The following ITIH4 variants were observed in gnomAD, a reference collection of about 807,000 sequenced individuals.
ITIH4 encodes the protein inter-alpha-trypsin inhibitor heavy chain 4, also known as inter-alpha-trypsin inhibitor heavy chain H4.
In ITIH4, 79 loss-of-function variants were observed where a neutral mutation model predicts 111.8. That is an observed-to-expected ratio of 0.71 (90% confidence interval 0.59 to 0.85). The LOEUF (loss-of-function observed/expected upper bound fraction) is 0.85, where lower values mean the gene tolerates loss of function less well. ITIH4 is among the 40% of genes least tolerant of loss of function. The pLI, the probability that ITIH4 is intolerant of heterozygous loss-of-function variation, is 0.00. For synonymous variants in ITIH4, 472 were observed against 468.3 expected, an observed-to-expected ratio of 1.01 and a Z score of -0.10; for missense variants, 1,065 against 1,195.8, an observed-to-expected ratio of 0.89 and a Z score of 1.61.
chr3:52,819,200 G>A (rs1318254558), intron 17 of ITIH4, 193 bp downstream of exon 17: 3 of 612,140 alleles, frequency 4.9e-6, no homozygotes, highest in Non-Finnish European at 5.7e-6. Flanking sequence ...GCCTCCTTAG[G>A]AAATGCACTC....
At position 52,816,978 on chromosome 3, in the gene ITIH4, A is replaced by G. The variant is rs748207755; in HGVS notation, c.2377T>C (p.Trp793Arg). ...IEVTFKNPLV[W>R]VHASPEHVVV... ...ACGTGTTCAGGGGATGCGTGAACCC[A>G]TACCAGGGGGTTCTTGAAGGTCACT... is the stretch of plus-strand genomic sequence containing the variant. Residue 793 changes from tryptophan (W) to arginine (R), a missense_variant, in exon 21 of 24, where the codon TGG becomes CGG. Coordinates refer to ENST00000266041, the MANE Select transcript of ITIH4 (RefSeq NM_002218.5). The G allele has an allele frequency of 6.2e-7, 1 of 1,613,958 alleles. No individual in the cohort carries two copies. The highest frequency in any genetic ancestry group is 1.1e-5 in the South Asian group (1 of 91,080).
At position 52,823,521 on chromosome 3, in the gene ITIH4, C is replaced by A; in HGVS notation, c.1539+35G>T. 1.3e-6 allele frequency: 2 copies of A among 1,535,244 alleles called. 1 individual carries two copies. Among genetic ancestry groups the A allele is most frequent in the South Asian group, 2.4e-5 (2 of 85,088 alleles). On this transcript the variant is annotated intron_variant, in intron 11 of 23. Transcript: ENST00000266041. ...CCTCTGGCTGCAGAGGTGGAGGCTG[C>A]CATTCCCCTCCAGGGTGGCTTTGGC...
At chr3:52,818,753 TC>T (rs1700323390) in intron 17 of ITIH4, 1 of 581,456 alleles carries the variant, frequency 1.7e-6, no homozygotes. Context: ...GATTTGGGGA[TC>T]AGAAAACAGT....
At chr3:52,829,673 T>G (rs756687006) in intron 1 of ITIH4, among the ~76,000 whole-genome samples, 8 of 152,202 alleles carry the variant, frequency 5.3e-5, no homozygotes, top group Non-Finnish European at 1.0e-4. Flanking sequence ...CAGGGAGCTT[T>G]GCATGCTGGC....
At position 52,814,366 on chromosome 3, in the gene ITIH4, G is replaced by A; in HGVS notation, c.2472-3C>T. On this transcript the variant is annotated splice_region_variant and splice_polypyrimidine_tract_variant and intron_variant, in intron 21 of 23. Coordinates refer to ENST00000266041, the MANE Select transcript of ITIH4 (RefSeq NM_002218.5). ...TCTTGTCCATGGTCATCTTCAGGCTGTGGAAAGACCCAGTGTCTTGAGCAG... is the reference window on the plus strand; with the variant it reads ...TCTTGTCCATGGTCATCTTCAGGCTATGGAAAGACCCAGTGTCTTGAGCAG... 6.2e-7 allele frequency: 1 copy of A among 1,613,680 alleles called. No individual in the cohort carries two copies.
rs557292280 is a variant in ITIH4 at position 52,814,224 on chromosome 3, C to T, written c.2611G>A (p.Val871Ile). 75 of 1,613,444 alleles carry T rather than the reference C, an allele frequency of 4.6e-5. No homozygotes were observed. The highest frequency in any genetic ancestry group is 9.3e-5 in the African/African-American group (7 of 75,044). The change falls in exon 22 of 24, where the codon GTT (valine) becomes ATT (isoleucine). Residue 871 changes from valine to isoleucine, a missense_variant. Val to Ile is a conservative substitution (Grantham distance 29). Transcript: ENST00000266041. Reference sequence around the variant, plus strand: ...GGCTCAGTACCAAGGGTCCCTCCAACGTGGCTGGAGAAGCGGTCAGTGTCA... The same window carrying T: ...GGCTCAGTACCAAGGGTCCCTCCAATGTGGCTGGAGAAGCGGTCAGTGTCA... ...LRDTDRFSSHVGGTLGQFYQE... is the reference protein window; with the variant it reads ...LRDTDRFSSHIGGTLGQFYQE...
chr3:52,816,361 C>G (rs1003982030), intron 21 of ITIH4, among the ~76,000 whole-genome samples: 1 of 152,216 alleles, frequency 6.6e-6, no homozygotes, highest in Non-Finnish European at 1.5e-5. Context: ...TCCAAGGATA[C>G]GCTAAAGAGA....
intron 11 of ITIH4, among the ~76,000 whole-genome samples, chr3:52,821,927 T>C (rs1017589082): frequency 1.3e-5 from 2 of 152,224 alleles, no homozygotes; most frequent in Non-Finnish European, 2.9e-5. Context: ...TCCAAAGCTT[T>C]GGCACACATA....
intron 6 of ITIH4, 183 bp from the exon 7 acceptor site, chr3:52,825,141 C>G (rs985469840): frequency 3.5e-5 from 15 of 429,682 alleles, no homozygotes; most frequent in Non-Finnish European, 5.4e-5. Flanking sequence ...CTTGCGGAAG[C>G]CTTCCCTGCT....
At chr3:52,820,565 G>C in intron 13 of ITIH4, 66 bp downstream of exon 13, 1 of 1,535,682 alleles carries the variant, frequency 6.5e-7, no homozygotes, top group Non-Finnish European at 8.8e-7. Context: ...ATGCAGGGAA[G>C]ATCGGGGAGA....
chr3:52,826,179 C>T (rs1700477064), intron 5 of ITIH4, among the ~76,000 whole-genome samples, 165 bp from the exon 6 acceptor site: 1 of 152,190 alleles, frequency 6.6e-6, no homozygotes, highest in Non-Finnish European at 1.5e-5. Context: ...ACCACTTTCA[C>T]GTAGGGGAGG....
intron 21 of ITIH4, among the ~76,000 whole-genome samples, chr3:52,815,700 T>C (rs1415589147): frequency 5.3e-5 from 8 of 151,780 alleles, no homozygotes; most frequent in Admixed American, 1.3e-4. Flanking sequence ...TTTTTTTTTT[T>C]CCTTTTTTCG....
Position 52,824,426 on chromosome 3 carries a change from C to T in ITIH4, c.1016G>A (p.Ser339Asn), listed in dbSNP as rs1221050407. Reference sequence around the variant, plus strand: ...CAGGGCCTGGATGCCCGCAGCAAAGCTCCTGGCCTTGTTCACGTTCTCGGC... The same window carrying T: ...CAGGGCCTGGATGCCCGCAGCAAAGTTCCTGGCCTTGTTCACGTTCTCGGC... Reference protein sequence around the residue: ...ASAENVNKARSFAAGIQALGG... With the variant: ...ASAENVNKARNFAAGIQALGG... Residue 339 changes from serine (S) to asparagine (N), a missense_variant, in exon 8 of 24, where the codon AGC becomes AAC. Coordinates refer to ENST00000266041, the MANE Select transcript of ITIH4 (RefSeq NM_002218.5). This position sits in a 1 kb window ranked among gnomAD's most constrained non-coding sequence, Gnocchi z 4.3. The T allele has an allele frequency of 3.1e-6, 5 of 1,614,076 alleles. No individual in the cohort carries two copies. The African/African-American group carries it at 6.7e-5, about 22-fold the overall frequency.
rs149308961 is a variant in ITIH4, at chr3:52,824,950, G to A, written c.768C>T (p.Asn256=). The change falls in exon 7 of 24, where the codon AAC becomes AAT. Residue 256 remains asparagine, a synonymous_variant. Coordinates refer to ENST00000266041, the MANE Select transcript of ITIH4 (RefSeq NM_002218.5). The surrounding 1 kb of genome is among the most constrained non-coding windows in gnomAD (Gnocchi z 4.3). ...AISGGSIQIE[N]GYFVHYFAPE... ...GGGCAAAGTAGTGTACAAAGTAGCC[G>A]TTCTCGATCTGTGGCCAGAGTGAGA... 3.0e-5 allele frequency: 48 copies of A among 1,608,996 alleles called. No homozygotes were observed. The highest frequency in any genetic ancestry group is 3.7e-5 in the Non-Finnish European group (44 of 1,176,802).
intron 23 of ITIH4, 41 bp downstream of exon 23, chr3:52,813,934 C>A: frequency 6.5e-7 from 1 of 1,540,880 alleles, no homozygotes; most frequent in South Asian, 1.1e-5. Flanking sequence ...AGTCCCCACC[C>A]CACCCCAGCT....
chr3:52,827,360 G>A (rs774110073), intron 2 of ITIH4, among the ~76,000 whole-genome samples, 163 bp from the exon 3 acceptor site: 10 of 152,210 alleles, frequency 6.6e-5, no homozygotes, highest in Non-Finnish European at 1.2e-4. Flanking sequence ...CCGCATACAG[G>A]ACCCTGTGCA....
intron 5 of ITIH4, 21 bp from the exon 6 acceptor site, chr3:52,826,035 G>A (rs1381698780): frequency 6.2e-7 from 1 of 1,613,678 alleles, no homozygotes; most frequent in Non-Finnish European, 8.5e-7. Flanking sequence ...AATCCGGGCT[G>A]AAGTTGGGAG....
chr3:52,820,364 G>A, intron 13 of ITIH4, 47 bp from the exon 14 acceptor site: 1 of 1,588,832 alleles, frequency 6.3e-7, no homozygotes, highest in African/African-American at 1.3e-5. Context: ...CAGAGACACA[G>A]ACAGACACCG....
At position 52,819,377 on chromosome 3, in the gene ITIH4, C is replaced by G. The variant is rs1382948248; in HGVS notation, c.2077+16G>C. The G allele has an allele frequency of 6.2e-7, 1 of 1,613,642 alleles. No homozygotes were observed. Among genetic ancestry groups the G allele is most frequent in the East Asian group, 2.2e-5 (1 of 44,892 alleles). On this transcript the variant is annotated intron_variant, in intron 17 of 23. Transcript: ENST00000266041. Reference sequence around the variant, plus strand: ...GTGGGAAACCGAGGCCCTCGCAGGGCCGGAAGGCAGCTTACAGATGGCCAG... The same window carrying G: ...GTGGGAAACCGAGGCCCTCGCAGGGGCGGAAGGCAGCTTACAGATGGCCAG...
Sources: gnomAD v4.1 joint callset for allele counts (sites outside exome capture counted in the v4.1 genomes callset) on GRCh38, gnomAD v4.1.1 for gene constraint, Gnocchi (gnomAD v3.1) non-coding constraint, MANE v1.5 for transcripts, NCBI Gene and HGNC (gene_info 2026-07-23, HGNC 2026-07-21) for gene names.